Variants in RANBP17 observed in about 807,000 individuals in gnomAD.
RANBP17 encodes the protein ran-binding protein 17.
RANBP17 carries 158 observed loss-of-function variants against 141.2 expected under a neutral mutation model. The ratio of observed to expected loss-of-function variants is 1.12; its 90% confidence interval spans 0.98 to 1.28. The LOEUF (loss-of-function observed/expected upper bound fraction) is 1.28. RANBP17 is among the 50% of genes most tolerant of loss of function. The pLI is 0.00. For synonymous variants in RANBP17, 430 were observed against 450.0 expected (o/e 0.96, Z 0.56); for missense variants, 1,438 against 1,290.7 (o/e 1.11, Z -1.75).
intron 14 of RANBP17, among the ~76,000 whole-genome samples, chr5:171,160,912 C>T (rs1759302026): frequency 6.6e-6 from 1 of 152,080 alleles, no homozygotes; most frequent in Admixed American, 6.6e-5. Flanking sequence ...CCTGCCTCAG[C>T]CTCCCAAGTT....
chr5:171,209,948 GGACGGACA>G (rs1392118510), intron 20 of RANBP17, among the ~76,000 whole-genome samples: 1 of 151,912 alleles, frequency 6.6e-6, no homozygotes, highest in Non-Finnish European at 1.5e-5. Context: ...ATAGATGGAC[GGACGGACA>G]GACGGACGGA....
At chr5:171,206,650 A>G (rs1762595128) in intron 20 of RANBP17, 1 of 177,768 alleles carries the variant, frequency 5.6e-6, no homozygotes, top group East Asian at 9.5e-5. Flanking sequence ...TGCAATAGAA[A>G]CTTCTTAAAG....
At chr5:170,887,870 G>A (rs75251821) in intron 3 of RANBP17, among the ~76,000 whole-genome samples, 4,454 of 152,228 alleles carry the variant, frequency 0.029, 218 homozygotes, top group African/African-American at 0.099. Context: ...GGCTGAAATC[G>A]TCCTTTTTAA....
At chr5:171,106,795 T>G (rs1754869389) in intron 14 of RANBP17, among the ~76,000 whole-genome samples, 1 of 152,098 alleles carries the variant, frequency 6.6e-6, no homozygotes, top group South Asian at 2.1e-4. Context: ...TTTTAATGTT[T>G]GGGGGTGGGG....
chr5:171,293,888 G>A lies in RANBP17; in HGVS notation c.2949G>A (p.Met983Ile). 6.2e-7 allele frequency: 1 copy of A among 1,611,818 alleles called. No homozygotes were observed. Among genetic ancestry groups the A allele is most frequent in the South Asian group, 1.1e-5 (1 of 91,020 alleles). Residue 983 changes from methionine (M) to isoleucine (I), a missense_variant, in exon 26 of 28, where the codon ATG becomes ATA. Transcript: ENST00000523189. ...QQNPDVLQQM[M>I]SVLMNTIVFE... ...TATGTGATTCTATCTTCTAGATGAT[G>A]TCTGTCCTCATGAACACCATTGTCT...
chr5:171,229,759 G>GA (rs758827854), intron 22 of RANBP17, among the ~76,000 whole-genome samples: 2,492 of 88,294 alleles, frequency 0.028, 24 homozygotes, highest in Admixed American at 0.047. Context: ...GATGCAAAAG[G>GA]AAAAAAAAAA....
chr5:170,885,604 G>C (rs1769076141), intron 3 of RANBP17, among the ~76,000 whole-genome samples: 1 of 152,170 alleles, frequency 6.6e-6, no homozygotes, highest in African/African-American at 2.4e-5. Flanking sequence ...CCAAAAATGT[G>C]ACTGACTTGG....
chr5:171,170,912 A>G (rs1760056256), intron 15 of RANBP17, among the ~76,000 whole-genome samples: 1 of 152,072 alleles, frequency 6.6e-6, no homozygotes, highest in Non-Finnish European at 1.5e-5. Context: ...TCTCCTCCCT[A>G]ATATGTTTTG....
intron 24 of RANBP17, among the ~76,000 whole-genome samples, chr5:171,260,299 T>TAAA: frequency 3.0e-5 from 1 of 33,516 alleles, no homozygotes; most frequent in South Asian, 1.8e-3. Flanking sequence ...AGACTCCATC[T>TAAA]CAAAAAAAAA....
chr5:171,187,734 G>A (rs796402124), intron 18 of RANBP17, among the ~76,000 whole-genome samples: 10 of 152,238 alleles, frequency 6.6e-5, no homozygotes, highest in African/African-American at 2.2e-4. Context: ...CAGATAGGCA[G>A]TACCTTAGGA....
At chr5:170,957,642 A>G (rs1443104059) in intron 13 of RANBP17, among the ~76,000 whole-genome samples, 1 of 152,162 alleles carries the variant, frequency 6.6e-6, no homozygotes, top group Non-Finnish European at 1.5e-5. Flanking sequence ...CACATTTTTC[A>G]TACTGTTGTG....
intron 14 of RANBP17, among the ~76,000 whole-genome samples, chr5:170,988,063 A>T (rs1376681440): frequency 2.0e-5 from 3 of 151,642 alleles, no homozygotes; most frequent in African/African-American, 7.2e-5. Context: ...GAATTCAAAG[A>T]TGATGATTTT....
At chr5:170,899,448 A>G (rs1302262672) in intron 5 of RANBP17, among the ~76,000 whole-genome samples, 2 of 152,234 alleles carry the variant, frequency 1.3e-5, no homozygotes, top group East Asian at 1.9e-4. Flanking sequence ...TAAATATACA[A>G]TCATGTCATC....
intron 18 of RANBP17, 145 bp from the exon 19 acceptor site, chr5:171,199,525 A>G (rs867132936): frequency 6.3e-6 from 3 of 479,810 alleles, no homozygotes; most frequent in Middle Eastern, 5.9e-4. Flanking sequence ...TTCAGTGAGC[A>G]AAAGTACAAA....
rs918547375 is a variant in RANBP17 at position 170,878,042 on chromosome 5, ATATT to A, written c.19-52_19-49del. ...TGTATCCCTTGTTTTTTGTGGTTAA[ATATT>A]TACCTCATTTTTTTCATTGAAGTAA... On this transcript the variant is annotated intron_variant, in intron 1 of 27. Transcript: ENST00000523189. 54 of 1,327,770 alleles carry A rather than the reference ATATT, an allele frequency of 4.1e-5. 1 individual carries two copies. In the African/African-American group the frequency reaches 6.0e-4, roughly 15 times the overall value. 82.2% of individuals were successfully genotyped at this position (1,327,770 alleles called of 1,614,324 possible).
chr5:171,233,917 C>T (rs1371870313), intron 22 of RANBP17, among the ~76,000 whole-genome samples: 3 of 152,098 alleles, frequency 2.0e-5, no homozygotes, highest in African/African-American at 7.2e-5. Flanking sequence ...CAATATAGGT[C>T]CAGATTGTAA....
chr5:171,063,641 C>T (rs1156990377), intron 14 of RANBP17, among the ~76,000 whole-genome samples: 7 of 152,344 alleles, frequency 4.6e-5, no homozygotes, highest in Admixed American at 2.0e-4. Context: ...GGCAGTCTGC[C>T]CGTTCTCAGA....
At chr5:170,967,425 A>G (rs930135115) in intron 13 of RANBP17, among the ~76,000 whole-genome samples, 19 of 152,060 alleles carry the variant, frequency 1.2e-4, no homozygotes, top group African/African-American at 4.6e-4. Flanking sequence ...TGTCTCAAAA[A>G]ATTATTATAT....
chr5:170,996,623 G>A (rs150207909), intron 14 of RANBP17, among the ~76,000 whole-genome samples: 118 of 152,254 alleles, frequency 7.8e-4, no homozygotes, highest in Non-Finnish European at 1.3e-3. Context: ...AGCACTTGCC[G>A]TAGGTGTACA....
Sources: gnomAD v4.1 joint callset for allele counts (sites outside exome capture counted in the v4.1 genomes callset) on GRCh38, gnomAD v4.1.1 for gene constraint, MANE v1.5 for transcripts, NCBI Gene and HGNC (gene_info 2026-07-23, HGNC 2026-07-21) for gene names.